Variants in FER1L6 observed in about 807,000 individuals in gnomAD.
FER1L6 encodes the protein fer-1-like protein 6.
FER1L6 carries 177 observed loss-of-function variants against 219.2 expected under a neutral mutation model. The observed-to-expected ratio is 0.81, with a 90% CI of 0.71 to 0.91. FER1L6 has a LOEUF of 0.91. Among genes scored for constraint, FER1L6 ranks in the 40% least tolerant of loss-of-function variants. FER1L6 has a pLI of 0.00. For synonymous variants in FER1L6, 768 were observed against 824.3 expected, an observed-to-expected ratio of 0.93 and a Z score of 1.17; for missense variants, 2,153 against 2,259.9, an observed-to-expected ratio of 0.95 and a Z score of 0.96.
In FER1L6 at chr8:124,045,750, T is replaced by G; in HGVS notation, c.2590-17T>G. The G allele has an allele frequency of 6.2e-7, 1 of 1,613,764 alleles. No homozygotes were observed. The highest frequency in any genetic ancestry group is 8.5e-7 in the Non-Finnish European group (1 of 1,179,910). ...CAATTGAATGATCTTTTGCTTTTCT[T>G]TGGTCCCTGCTTCCAGATAATCTCC... On this transcript the variant is annotated splice_polypyrimidine_tract_variant and intron_variant, in intron 20 of 40. Coordinates refer to ENST00000522917, the MANE Select transcript of FER1L6 (RefSeq NM_001039112.2).
chr8:124,082,430 A>G lies in FER1L6; in HGVS notation c.4363A>G (p.Ile1455Val), dbSNP rs1180080646. ...ENRFYSKHRA[I>V]CGLQSQYEIE... Reference sequence around the variant, plus strand: ...CCGCTTCTACAGCAAACACCGAGCCATCTGTGGCTTGCAGAGCCAGTATGA... The same window carrying G: ...CCGCTTCTACAGCAAACACCGAGCCGTCTGTGGCTTGCAGAGCCAGTATGA... Residue 1455 changes from isoleucine (I) to valine (V), a missense_variant, in exon 33 of 41, where the codon ATC becomes GTC. By Grantham distance (29) the Ile-to-Val change is conservative (BLOSUM62 3). Transcript: ENST00000522917. The G allele has an allele frequency of 3.1e-6, 5 of 1,613,892 alleles. No homozygotes were observed. The African/African-American group carries it at 6.7e-5, about 22-fold the overall frequency.
chr8:123,932,311 G>A (rs1813803019), intron 1 of FER1L6, among the ~76,000 whole-genome samples: 2 of 152,010 alleles, frequency 1.3e-5, no homozygotes, highest in Admixed American at 1.3e-4. Context: ...GTTTCATTAT[G>A]GTGGCCAGGC....
intron 32 of FER1L6, among the ~76,000 whole-genome samples, chr8:124,080,347 TG>T (rs1490885072): frequency 6.6e-6 from 1 of 152,102 alleles, no homozygotes; most frequent in Non-Finnish European, 1.5e-5. Flanking sequence ...GATGGAGTTT[TG>T]CTCTTGTCGC....
intron 1 of FER1L6, among the ~76,000 whole-genome samples, chr8:123,893,368 G>A (rs1033623678): frequency 9.9e-5 from 15 of 152,134 alleles, no homozygotes; most frequent in African/African-American, 3.6e-4. Context: ...TTGATTGCAT[G>A]GACTGAACTA....
Position 124,119,745 on chromosome 8 carries a change from C to T in FER1L6, c.5529C>T (p.Tyr1843=). 3 of 1,614,086 alleles carry T rather than the reference C, an allele frequency of 1.9e-6. No homozygotes were observed. Among genetic ancestry groups the T allele is most frequent in the Non-Finnish European group, 2.5e-6 (3 of 1,179,990 alleles). ...TCATCTTCCTCGTCCTTTTCATCTA[C>T]ACCTTGCCAGGAGCCATCAGCCGAA... ...ILIIFLVLFI[Y]TLPGAISRRI... Residue 1843 remains tyrosine, a synonymous_variant, in exon 41 of 41, where the codon TAC becomes TAT. Transcript: ENST00000522917.
intron 12 of FER1L6, among the ~76,000 whole-genome samples, chr8:124,000,720 C>T (rs1817367694): frequency 6.6e-6 from 1 of 152,180 alleles, no homozygotes; most frequent in African/African-American, 2.4e-5. Flanking sequence ...ACTGGGAAAG[C>T]CATTCCCAGA....
intron 1 of FER1L6, among the ~76,000 whole-genome samples, chr8:123,953,463 C>T (rs962190619): frequency 6.6e-6 from 1 of 152,148 alleles, no homozygotes; most frequent in Non-Finnish European, 1.5e-5. Flanking sequence ...CTCCAATGGG[C>T]AGCAGGGTCC....
intron 1 of FER1L6, among the ~76,000 whole-genome samples, chr8:123,862,561 T>C: frequency 7.0e-6 from 1 of 141,926 alleles, no homozygotes; most frequent in Admixed American, 6.9e-5. Flanking sequence ...ATGGTACCAG[T>C]TCCTCCTTGT....
chr8:123,982,726 G>A (rs1816377392), intron 11 of FER1L6, among the ~76,000 whole-genome samples: 1 of 152,202 alleles, frequency 6.6e-6, no homozygotes, highest in African/African-American at 2.4e-5. Context: ...CAAGGCGAGG[G>A]CAGGGGCTGT....
In FER1L6 at chr8:124,060,316, TG is replaced by T. The variant is rs1427385829; in HGVS notation, c.2985+27del. The stretch of plus-strand genomic sequence containing the variant: ...GTACGGGTCAGCGGAGGAGCTGAGT[TG>T]TTCTTTGGCACTCAAGGGCAGTGGC... On this transcript the variant is annotated intron_variant, in intron 23 of 40. Coordinates refer to ENST00000522917, the MANE Select transcript of FER1L6 (RefSeq NM_001039112.2). 3 of 1,606,668 alleles carry T rather than the reference TG, an allele frequency of 1.9e-6. No individual in the cohort carries two copies. In the Admixed American group the frequency reaches 5.0e-5, roughly 27 times the overall value.
intron 22 of FER1L6, among the ~76,000 whole-genome samples, chr8:124,051,417 T>G (rs890098358): frequency 3.5e-4 from 53 of 152,298 alleles, no homozygotes; most frequent in African/African-American, 1.2e-3. Context: ...CTCAACCTCA[T>G]AGTAGAAATC....
chr8:123,939,627 TA>T (rs1814149966), intron 1 of FER1L6, among the ~76,000 whole-genome samples: 1 of 152,158 alleles, frequency 6.6e-6, no homozygotes, highest in South Asian at 2.1e-4. Flanking sequence ...AGTCACCCAT[TA>T]GAGGAGTCTC....
At chr8:124,042,789 G>A (rs1444529207) in intron 20 of FER1L6, among the ~76,000 whole-genome samples, 2 of 152,182 alleles carry the variant, frequency 1.3e-5, no homozygotes, top group Admixed American at 6.6e-5. Flanking sequence ...GGCTGTTCCT[G>A]AAAAACCAGT....
At chr8:123,984,563 C>CTA (rs1332294157) in intron 11 of FER1L6, 2 of 152,038 alleles carry the variant, frequency 1.3e-5, no homozygotes, top group Non-Finnish European at 2.9e-5. Flanking sequence ...TAACCTCCTC[C>CTA]TAGAGAGTAA....
At chr8:123,869,895 CAGAA>C (rs1816897295) in intron 1 of FER1L6, among the ~76,000 whole-genome samples, 1 of 152,176 alleles carries the variant, frequency 6.6e-6, no homozygotes, top group African/African-American at 2.4e-5. Context: ...CACAAATACA[CAGAA>C]AGAGTCAATT....
intron 1 of FER1L6, among the ~76,000 whole-genome samples, chr8:123,941,643 C>T (rs574765433): frequency 6.6e-6 from 1 of 152,270 alleles, no homozygotes; most frequent in South Asian, 2.1e-4. Flanking sequence ...TCACACACAG[C>T]AGGATCATGG....
chr8:123,972,459 T>G (rs1243838892), intron 6 of FER1L6, among the ~76,000 whole-genome samples: 2 of 152,226 alleles, frequency 1.3e-5, no homozygotes, highest in African/African-American at 4.8e-5. Context: ...AGAAGGAAGC[T>G]CAGAGGACAT....
intron 33 of FER1L6, among the ~76,000 whole-genome samples, chr8:124,090,413 T>G (rs1364324413): frequency 1.3e-5 from 2 of 152,226 alleles, no homozygotes; most frequent in Non-Finnish European, 2.9e-5. Flanking sequence ...TCAGAAGAAT[T>G]TCCTGGCTGA....
intron 39 of FER1L6, among the ~76,000 whole-genome samples, chr8:124,112,245 G>C (rs1038216896): frequency 6.6e-6 from 1 of 152,196 alleles, no homozygotes; most frequent in African/African-American, 2.4e-5. Flanking sequence ...GCAGGCGAGA[G>C]AGGGTTTGTT....
Sources: gnomAD v4.1 joint callset for allele counts (sites outside exome capture counted in the v4.1 genomes callset) on GRCh38, gnomAD v4.1.1 for gene constraint, MANE v1.5 for transcripts, NCBI Gene and HGNC (gene_info 2026-07-23, HGNC 2026-07-21) for gene names.